GFOD2: variants seen among roughly 807,000 people sequenced by gnomAD.
GFOD2 encodes Gfo/Idh/MocA-like oxidoreductase domain containing 2, also known as glucose-fructose oxidoreductase domain-containing protein 2.
Under a neutral mutation model 24.6 loss-of-function variants are expected in GFOD2, and 9 were observed. The ratio of observed to expected loss-of-function variants is 0.37; its 90% CI spans 0.22 to 0.64. The LOEUF (loss-of-function observed/expected upper bound fraction) is 0.64, where lower values mean the gene tolerates loss of function less well. Among genes scored for constraint, GFOD2 ranks in the 30% least tolerant of loss-of-function variants. The probability of loss-of-function intolerance (pLI) is 0.65; values close to 1 mark genes in which losing one functional copy is unlikely to be tolerated. For missense variants in GFOD2, 476 were observed against 532.5 expected, an observed-to-expected ratio of 0.89 and a Z score of 1.04; for synonymous variants, 211 against 224.8, an observed-to-expected ratio of 0.94 and a Z score of 0.55.
At chr16:67,693,350 C>T (rs573867558) in intron 1 of GFOD2, among the ~76,000 whole-genome samples, 33 of 151,966 alleles carry the variant, frequency 2.2e-4, no homozygotes, top group Non-Finnish European at 4.1e-4. Flanking sequence ...GCCATCTCGA[C>T]TCACTGCAAC....
At chr16:67,695,055 C>CA (rs2053348477) in intron 1 of GFOD2, among the ~76,000 whole-genome samples, 1 of 141,458 alleles carries the variant, frequency 7.1e-6, no homozygotes, top group Non-Finnish European at 1.5e-5. Flanking sequence ...CGTAATGGTG[C>CA]AATCTCGGCT....
rs759257670 is a variant in GFOD2, at chr16:67,683,591, G to A, written c.259+1866C>T. 1.6e-3 allele frequency: 1,987 copies of A among 1,231,788 alleles called. 1 individual carries two copies. Among genetic ancestry groups the A allele is most frequent in the Non-Finnish European group, 1.9e-3 (1,895 of 987,980 alleles). 76.3% of individuals were successfully genotyped at this position (1,231,788 alleles called of 1,614,324 possible). ...CATCCTCAGAGAGAGCTCTCTGGAA[G>A]AAACAAACAATAAGGCCAAAACTTA... is the stretch of plus-strand genomic sequence containing the variant. On this transcript the variant is annotated intron_variant, in intron 2 of 2. Coordinates refer to ENST00000268797, the MANE Select transcript of GFOD2 (RefSeq NM_030819.4).
At chr16:67,697,983 C>T (rs1054609096) in intron 1 of GFOD2, among the ~76,000 whole-genome samples, 2 of 152,164 alleles carry the variant, frequency 1.3e-5, no homozygotes, top group African/African-American at 4.8e-5. Flanking sequence ...TGGTCTGCTC[C>T]TCCTTCCCTA....
chr16:67,703,310 G>A (rs2053416956), intron 1 of GFOD2, among the ~76,000 whole-genome samples: 1 of 152,160 alleles, frequency 6.6e-6, no homozygotes, highest in African/African-American at 2.4e-5. Context: ...GGCTGAGGCA[G>A]GAGAATCGCT....
In GFOD2 at chr16:67,675,918, C is replaced by A. The variant is rs144416857; in HGVS notation, c.395G>T (p.Arg132Leu). Residue 132 changes from arginine (R) to leucine (L), a missense_variant, in exon 3 of 3, where the codon CGC becomes CTC. Transcript: ENST00000268797. ...GTGTTCCGAAATCAGCTGTTTCATGCGCACGAAGGCAGGCAGGAAGCGCAG... is the reference window on the plus strand; with the variant it reads ...GTGTTCCGAAATCAGCTGTTTCATGAGCACGAAGGCAGGCAGGAAGCGCAG... ...NVLRFLPAFV[R>L]MKQLISEHYV... is the part of the protein sequence containing the mutation. The A allele has an allele frequency of 2.5e-6, 4 of 1,614,204 alleles. No individual in the cohort carries two copies. Among genetic ancestry groups the A allele is most frequent in the South Asian group, 1.1e-5 (1 of 91,086 alleles).
intron 1 of GFOD2, among the ~76,000 whole-genome samples, chr16:67,688,742 T>TC (rs1446895583): frequency 6.7e-6 from 1 of 150,190 alleles, no homozygotes; most frequent in Non-Finnish European, 1.5e-5. Flanking sequence ...TACTTTTTTT[T>TC]TTTTTTTTTT....
intron 2 of GFOD2, chr16:67,682,697 G>A (rs1399648201): frequency 1.0e-6 from 1 of 985,254 alleles, no homozygotes; most frequent in Non-Finnish European, 1.2e-6. Context: ...AACTAATAAT[G>A]AGGGCAAGAA....
chr16:67,684,244 A>C (rs1162344516), intron 2 of GFOD2: 1 of 152,026 alleles, frequency 6.6e-6, no homozygotes, highest in Non-Finnish European at 1.5e-5. Flanking sequence ...GTGGTGGCAC[A>C]TGCCTGTAGT....
At chr16:67,681,314 T>C in intron 2 of GFOD2, 1 of 985,480 alleles carries the variant, frequency 1.0e-6, no homozygotes, top group Non-Finnish European at 1.2e-6. Context: ...AGGACTTTTA[T>C]GACTGCTAGG....
chr16:67,680,022 A>G (rs561435079), intron 2 of GFOD2, among the ~76,000 whole-genome samples: 3 of 152,300 alleles, frequency 2.0e-5, no homozygotes, highest in East Asian at 3.9e-4. Context: ...CAGCTTTCCA[A>G]GTAGCAAGGA....
chr16:67,716,625 C>T (rs2053508972), intron 1 of GFOD2, among the ~76,000 whole-genome samples: 1 of 152,176 alleles, frequency 6.6e-6, no homozygotes. Context: ...TGATTTTGGC[C>T]TACTTGTCTT....
At chr16:67,708,396 G>A (rs958942333) in intron 1 of GFOD2, among the ~76,000 whole-genome samples, 20 of 152,184 alleles carry the variant, frequency 1.3e-4, no homozygotes, top group Admixed American at 2.0e-4. Context: ...GGCCCAGTAG[G>A]CTGGTGAATC....
intron 1 of GFOD2, among the ~76,000 whole-genome samples, chr16:67,688,576 TAA>T (rs1020121607): frequency 4.7e-4 from 72 of 152,210 alleles, no homozygotes; most frequent in African/African-American, 1.7e-3. Context: ...TTCCCCCAGC[TAA>T]ACCAGCAGTT....
Position 67,675,337 on chromosome 16 carries a change from T to C in GFOD2, c.976A>G (p.Thr326Ala). The change falls in exon 3 of 3, where the codon ACC (threonine) becomes GCC (alanine). Residue 326 changes from threonine to alanine, a missense_variant. Thr to Ala is a moderately conservative substitution (Grantham distance 58). Transcript: ENST00000268797. ...ATGGAGACAGGGGTGCGGTCCCAGG[T>C]GCGGCGGTCGCCCTGCCCCTGGAAG... ...QSFQGQGDRRTWDRTPVSMAA... is the reference protein window; with the variant it reads ...QSFQGQGDRRAWDRTPVSMAA... 6.2e-7 allele frequency: 1 copy of C among 1,613,246 alleles called. No homozygotes were observed. The highest frequency in any genetic ancestry group is 8.5e-7 in the Non-Finnish European group (1 of 1,180,010).
At chr16:67,696,965 C>T (rs1476121761) in intron 1 of GFOD2, among the ~76,000 whole-genome samples, 1 of 152,202 alleles carries the variant, frequency 6.6e-6, no homozygotes, top group African/African-American at 2.4e-5. Flanking sequence ...CCCTTTCTCA[C>T]CCCTAAAATT....
At chr16:67,697,941 G>T (rs1315062105) in intron 1 of GFOD2, among the ~76,000 whole-genome samples, 1 of 152,138 alleles carries the variant, frequency 6.6e-6, no homozygotes, top group Non-Finnish European at 1.5e-5. Flanking sequence ...TCAAGAGTTT[G>T]GACTTTGACA....
intron 1 of GFOD2, among the ~76,000 whole-genome samples, chr16:67,700,861 C>T (rs562327817): frequency 6.7e-6 from 1 of 148,298 alleles, no homozygotes. Context: ...GGTGAAACCC[C>T]GTTCCTACTA....
chr16:67,689,053 T>G (rs2053291633), intron 1 of GFOD2, among the ~76,000 whole-genome samples: 1 of 150,436 alleles, frequency 6.6e-6, no homozygotes, highest in Non-Finnish European at 1.5e-5. Context: ...TTTTGTTTTT[T>G]TTTTTAAAGA....
intron 2 of GFOD2, chr16:67,683,391 G>C (rs972170405): frequency 1.6e-6 from 2 of 1,227,826 alleles, no homozygotes; most frequent in African/African-American, 1.6e-5. Context: ...TTTCCAGCCT[G>C]CATTCAAGCC....
Sources: allele counts gnomAD v4.1 joint callset (sites outside exome capture counted in the v4.1 genomes callset), GRCh38; gene constraint gnomAD v4.1.1; transcripts MANE v1.5; gene names NCBI Gene and HGNC (gene_info 2026-07-23, HGNC 2026-07-21).